Variants in SLC39A11 observed in about 807,000 individuals in gnomAD.
SLC39A11 encodes zinc transporter ZIP11.
Under a neutral mutation model 36.1 loss-of-function variants are expected in SLC39A11, and 33 were observed. The ratio of observed to expected loss-of-function variants is 0.91; its 90% CI spans 0.69 to 1.22. The LOEUF (loss-of-function observed/expected upper bound fraction) is 1.22, where lower values mean the gene tolerates loss of function less well. Among genes scored for constraint, SLC39A11 ranks in the 50% most tolerant of loss-of-function variants. The pLI, the probability that SLC39A11 is intolerant of heterozygous loss-of-function variation, is 0.00. For missense variants in SLC39A11, 432 were observed against 430.3 expected (o/e 1.00, Z -0.03); for synonymous variants, 166 against 170.3 (o/e 0.97, Z 0.20).
rs142390666 is a variant in SLC39A11, at chr17:72,649,204, G to A, written c.736C>T (p.Arg246Ter). ...CTCCAGGTGGAGAAGCCTGCCCCTC[G>A]CAAGGGAAGGCTGACAGCCAGGCCC... ...PEGLAVSLPL[R>*]GAGFSTWRAF... The change falls in exon 8 of 10, where the codon CGA becomes TGA. Residue 246 changes from arginine to a stop codon, truncating the protein, a stop_gained. Transcript: ENST00000255559. LOFTEE classifies it high-confidence loss of function. 2.0e-5 allele frequency: 33 copies of A among 1,614,064 alleles called. No individual in the cohort carries two copies. The highest frequency in any genetic ancestry group is 2.3e-5 in the Non-Finnish European group (27 of 1,180,016).
chr17:72,883,542 C>T (rs1481708929), intron 5 of SLC39A11, among the ~76,000 whole-genome samples: 1 of 151,762 alleles, frequency 6.6e-6, no homozygotes, highest in Non-Finnish European at 1.5e-5. Context: ...TACACGGAAT[C>T]TGGGAAGGCA....
chr17:72,762,410 C>T (rs984406305), intron 6 of SLC39A11, among the ~76,000 whole-genome samples: 1 of 152,170 alleles, frequency 6.6e-6, no homozygotes, highest in African/African-American at 2.4e-5. Flanking sequence ...CATGGCAACA[C>T]CAGGAAGTTA....
At chr17:72,707,641 C>T (rs745566418) in intron 7 of SLC39A11, among the ~76,000 whole-genome samples, 32 of 152,300 alleles carry the variant, frequency 2.1e-4, no homozygotes, top group African/African-American at 6.5e-4. Flanking sequence ...TCCACATTTA[C>T]GAGTTGCACA....
chr17:72,994,342 T>C (rs2089369483), intron 4 of SLC39A11, among the ~76,000 whole-genome samples: 1 of 152,312 alleles, frequency 6.6e-6, no homozygotes, highest in African/African-American at 2.4e-5. Flanking sequence ...ATAGAATGTT[T>C]TCATTTATAT....
Position 72,910,161 on chromosome 17 carries a change from G to A in SLC39A11, c.430+37591C>T, listed in dbSNP as rs191608043. Among the ~76,000 whole-genome samples the A allele has an allele frequency of 2.9e-3, 443 of 152,196 alleles. 2 individuals carry two copies. Among genetic ancestry groups the A allele is most frequent in the Non-Finnish European group, 3.5e-3 (238 of 68,014 alleles). On this transcript the variant is annotated intron_variant, in intron 5 of 9. Coordinates refer to ENST00000255559, the MANE Select transcript of SLC39A11 (RefSeq NM_139177.4). ...AGTTGTTTGCCAAGGCTGATATTAC[G>A]AAGAGGGGAGGTGGGAAGGGCTGAA...
chr17:72,872,268 C>T (rs991756230), intron 5 of SLC39A11, among the ~76,000 whole-genome samples: 1 of 152,116 alleles, frequency 6.6e-6, no homozygotes, highest in Non-Finnish European at 1.5e-5. Context: ...CCACCCACAG[C>T]GCATCCACAT....
At chr17:72,875,097 C>A (rs754958486) in intron 5 of SLC39A11, among the ~76,000 whole-genome samples, 7 of 152,018 alleles carry the variant, frequency 4.6e-5, no homozygotes, top group Non-Finnish European at 7.4e-5. Context: ...AAAGAGGAGA[C>A]AGGGTTATTT....
intron 7 of SLC39A11, among the ~76,000 whole-genome samples, chr17:72,675,257 G>A (rs375971402): frequency 1.3e-5 from 2 of 152,122 alleles, no homozygotes; most frequent in African/African-American, 4.8e-5. Flanking sequence ...TGAGATCAGT[G>A]CCTGTATAAA....
intron 5 of SLC39A11, among the ~76,000 whole-genome samples, chr17:72,904,316 G>T (rs1185304077): frequency 6.6e-6 from 1 of 152,128 alleles, no homozygotes; most frequent in Non-Finnish European, 1.5e-5. Context: ...GGAAGCCTGG[G>T]GACGATTTTC....
chr17:73,060,948 G>A (rs1280610120), intron 3 of SLC39A11, among the ~76,000 whole-genome samples: 1 of 152,128 alleles, frequency 6.6e-6, no homozygotes, highest in Non-Finnish European at 1.5e-5. Context: ...TTGTTTGCTC[G>A]GTACTTTCCT....
chr17:72,729,438 TATATA>T (rs2074102559), intron 7 of SLC39A11, among the ~76,000 whole-genome samples: 18 of 4,770 alleles, frequency 3.8e-3, no homozygotes, highest in Non-Finnish European at 5.3e-3. Context: ...TATATATATA[TATATA>T]TATATATATA....
chr17:72,767,392 A>C (rs1162395625), intron 6 of SLC39A11, among the ~76,000 whole-genome samples: 1 of 152,208 alleles, frequency 6.6e-6, no homozygotes, highest in Non-Finnish European at 1.5e-5. Flanking sequence ...TTCAAAGGAA[A>C]AGGTGAGGGC....
chr17:72,922,291 C>T (rs1378256346), intron 5 of SLC39A11, among the ~76,000 whole-genome samples: 1 of 152,236 alleles, frequency 6.6e-6, no homozygotes, highest in Non-Finnish European at 1.5e-5. Context: ...GGAGCCTCTG[C>T]TCTTTCACCT....
intron 3 of SLC39A11, among the ~76,000 whole-genome samples, chr17:73,049,011 C>G (rs181645376): frequency 5.3e-4 from 81 of 152,264 alleles, no homozygotes; most frequent in Middle Eastern, 3.4e-3. Context: ...CCCAGCAGCC[C>G]AGGGGTCCCT....
At chr17:72,695,676 T>C (rs751647057) in intron 7 of SLC39A11, among the ~76,000 whole-genome samples, 66 of 152,106 alleles carry the variant, frequency 4.3e-4, no homozygotes, top group South Asian at 8.3e-4. Flanking sequence ...TCATTCTAGA[T>C]TATCTAGGTG....
At position 72,749,275 on chromosome 17, in the gene SLC39A11, GAA is replaced by G. The variant is rs2075059586; in HGVS notation, c.602-12558_602-12557del. Among the ~76,000 whole-genome samples, 10 of 152,322 alleles carry G rather than the reference GAA, an allele frequency of 6.6e-5. No individual in the cohort carries two copies. In the South Asian group the frequency reaches 2.1e-3, roughly 32 times the overall value. On this transcript the variant is annotated intron_variant, in intron 6 of 9. Coordinates refer to ENST00000255559, the MANE Select transcript of SLC39A11 (RefSeq NM_139177.4). Reference sequence around the variant, plus strand: ...GTTCCACCAATGAAGCCGTGGTGTAGAAAAGCTTGCAACCCGGTAGCAAAGTT... The same window carrying G: ...GTTCCACCAATGAAGCCGTGGTGTAGAAGCTTGCAACCCGGTAGCAAAGTT...
chr17:72,889,490 T>C (rs993381230), intron 5 of SLC39A11, among the ~76,000 whole-genome samples: 30 of 151,434 alleles, frequency 2.0e-4, no homozygotes, highest in Non-Finnish European at 3.8e-4. Context: ...TGAGCTGAGA[T>C]CGTGCCACTG....
chr17:72,907,565 G>A (rs923063486), intron 5 of SLC39A11, among the ~76,000 whole-genome samples: 31 of 152,132 alleles, frequency 2.0e-4, no homozygotes, highest in African/African-American at 4.3e-4. Context: ...CATGTGGAGC[G>A]GGCAGAACTT....
At chr17:73,088,544 G>A (rs1399504634) in intron 2 of SLC39A11, 113 bp downstream of exon 2, 10 of 761,324 alleles carry the variant, frequency 1.3e-5, no homozygotes, top group Non-Finnish European at 2.3e-5. Context: ...ACAATGCCTG[G>A]GGGTGTGGCC....
Sources: gnomAD v4.1 joint callset for allele counts (sites outside exome capture counted in the v4.1 genomes callset) on GRCh38, gnomAD v4.1.1 for gene constraint, MANE v1.5 for transcripts, NCBI Gene and HGNC (gene_info 2026-07-23, HGNC 2026-07-21) for gene names.